Variants in AVIL observed in about 807,000 individuals in gnomAD.
AVIL encodes the protein advillin.
A neutral mutation model predicts 109.9 loss-of-function variants in AVIL; 78 were observed. The observed-to-expected ratio is 0.71, with a 90% CI of 0.59 to 0.86. The LOEUF is 0.86. Among genes scored for constraint, AVIL ranks in the 40% least tolerant of loss-of-function variants. AVIL has a pLI of 0.00. For missense variants in AVIL, 892 were observed against 1,016.5 expected (o/e 0.88, Z 1.67); for synonymous variants, 367 against 379.1 (o/e 0.97, Z 0.37).
chr12:57,807,896 A>G (rs762729896), intron 11 of AVIL, 169 bp from the exon 12 acceptor site: 1 of 1,017,288 alleles, frequency 9.8e-7, no homozygotes, highest in Non-Finnish European at 1.5e-6. Context: ...CATGATTTGA[A>G]TCGTGAGATG....
In AVIL at chr12:57,813,231, T is replaced by C; in HGVS notation, c.334A>G (p.Ile112Val). Residue 112 changes from isoleucine to valine, a missense_variant, in exon 4 of 20, where the codon ATC becomes GTC. Transcript: ENST00000549994. ...DTFRGYFKQG[I>V]IYKQGGVASG... ...GCTCTGTGCACCCCTACTCACATGA[T>C]GCCCTGCTTGAAGTAGCCACGGAAA... 6.2e-7 allele frequency: 1 copy of C among 1,612,008 alleles called. No homozygotes were observed. Among genetic ancestry groups the C allele is most frequent in the African/African-American group, 1.3e-5 (1 of 74,974 alleles).
rs765060747 is a variant in AVIL at position 57,814,222 on chromosome 12, A to G, written c.71T>C (p.Met24Thr). Residue 24 changes from methionine to threonine, a missense_variant, in exon 3 of 20, where the codon ATG (methionine) becomes ACG (threonine). Physicochemically the swap from Met to Thr is moderately conservative, Grantham distance 81. Transcript: ENST00000549994. ...GCTCACAGGCACCAGCGCCAGCTCC[A>G]TTTTCTGGAAGGACAAGGGGTGGGT... is the stretch of plus-strand genomic sequence containing the variant. ...PGIIVWRIEK[M>T]ELALVPVSAH... The G allele has an allele frequency of 1.2e-6, 2 of 1,611,422 alleles. No individual in the cohort carries two copies. Among genetic ancestry groups the G allele is most frequent in the Admixed American group, 3.3e-5 (2 of 59,760 alleles).
In AVIL at chr12:57,807,635, T is replaced by C; in HGVS notation, c.1287A>G (p.Thr429=). The C allele has an allele frequency of 6.2e-7, 1 of 1,614,242 alleles. No individual in the cohort carries two copies. The highest frequency in any genetic ancestry group is 8.5e-7 in the Non-Finnish European group (1 of 1,180,044). ...GATGTGGCTTCCCATTTACCTCGTA[T>C]GTGTAGAGGACCAGATAACAGTCTC... is the stretch of plus-strand genomic sequence containing the variant. ...YGGDCYLVLY[T]YEVNGKPHHI... is the part of the protein sequence containing the mutation. The change falls in exon 12 of 20, where the codon ACA becomes ACG. Residue 429 remains threonine (T), a synonymous_variant. Transcript: ENST00000549994.
chr12:57,803,697 TGTTAGTTGCACAGGGGCAC>T (rs1270951609), intron 14 of AVIL, 28 bp from the exon 15 acceptor site: 1 of 1,609,278 alleles, frequency 6.2e-7, no homozygotes, highest in Non-Finnish European at 8.5e-7. Flanking sequence ...AGAGCACAGA[TGTTAGTTGCACAGGGGCAC>T]TTCGATGTGG....
At chr12:57,816,295 T>C (rs1222590055) in intron 1 of AVIL, 6 of 450,384 alleles carry the variant, frequency 1.3e-5, no homozygotes, top group Admixed American at 1.2e-4. Context: ...GCCATTGCCC[T>C]TAAGAGCTCT....
intron 7 of AVIL, 79 bp from the exon 8 acceptor site, chr12:57,809,969 G>A: frequency 1.3e-6 from 2 of 1,493,876 alleles, no homozygotes; most frequent in Admixed American, 1.8e-5. Context: ...TTCTGGTTTG[G>A]TTTTAGTTTG....
chr12:57,815,571 C>A, intron 2 of AVIL: 2 of 1,246,624 alleles, frequency 1.6e-6, no homozygotes, highest in Non-Finnish European at 1.0e-6. Context: ...CTGCAGTGCC[C>A]CCTCACCTCT....
At chr12:57,813,538 T>G in intron 3 of AVIL, 115 bp from the exon 4 acceptor site, 1 of 1,044,546 alleles carries the variant, frequency 9.6e-7, no homozygotes, top group Non-Finnish European at 1.4e-6. Flanking sequence ...CTGAGGGCCC[T>G]CTCTCCTGCA....
In AVIL at chr12:57,813,385, G is replaced by A; in HGVS notation, c.180C>T (p.His60=). 6.2e-6 allele frequency: 10 copies of A among 1,614,178 alleles called. No individual in the cohort carries two copies. The highest frequency in any genetic ancestry group is 8.5e-6 in the Non-Finnish European group (10 of 1,180,034). ...RVASLLSQDI[H]FWIGKDSSQD... ...GGGAGGAGTCCTTCCCGATCCAGAA[G>A]TGGATGTCCTGGGATAGGAGACTGG... is the stretch of plus-strand genomic sequence containing the variant. The change falls in exon 4 of 20, where the codon CAC becomes CAT. Residue 60 remains histidine, a synonymous_variant. Transcript: ENST00000549994.
At position 57,810,931 on chromosome 12, in the gene AVIL, C is replaced by T. The variant is rs112933121; in HGVS notation, c.448-5G>A. ...ACTGTCCCAGCTCATTTCCACCTGT[C>T]GATGAGAGGTAAACATTGTTCAGGA... On this transcript the variant is annotated splice_region_variant and splice_polypyrimidine_tract_variant and intron_variant, in intron 5 of 19. Coordinates refer to ENST00000549994, the MANE Select transcript of AVIL (RefSeq NM_006576.4). The T allele has an allele frequency of 3.0e-5, 49 of 1,614,090 alleles. No homozygotes were observed. Among genetic ancestry groups the T allele is most frequent in the African/African-American group, 9.3e-5 (7 of 75,008 alleles).
Position 57,808,502 on chromosome 12 carries a change from G to T in AVIL, c.986C>A (p.Thr329Asn). The T allele has an allele frequency of 6.2e-7, 1 of 1,614,100 alleles. No individual in the cohort carries two copies. The highest frequency in any genetic ancestry group is 8.5e-7 in the Non-Finnish European group (1 of 1,180,016). ...GGCCGACTCAGCACCATCGTTGACG[G>T]TCTCCACATTGGTGCTGCTGGGGTA... is the stretch of plus-strand genomic sequence containing the variant. ...KSYPSSTNVE[T>N]VNDGAESAMF... Residue 329 changes from threonine to asparagine, a missense_variant, in exon 10 of 20, where the codon ACC becomes AAC. Transcript: ENST00000549994.
intron 3 of AVIL, 105 bp from the exon 4 acceptor site, chr12:57,813,528 CT>C: frequency 8.8e-7 from 1 of 1,133,028 alleles, no homozygotes; most frequent in South Asian, 1.5e-5. Flanking sequence ...CCTTGGCAGA[CT>C]GAGGGCCCTC....
chr12:57,803,360 G>C lies in AVIL; in HGVS notation c.1849C>G (p.Arg617Gly). The C allele has an allele frequency of 6.2e-7, 1 of 1,614,174 alleles. No individual in the cohort carries two copies. The highest frequency in any genetic ancestry group is 1.1e-5 in the South Asian group (1 of 91,086). Residue 617 changes from arginine (R) to glycine (G), a missense_variant, in exon 16 of 20, where the codon CGT (arginine) becomes GGT (glycine). Physicochemically the swap from Arg to Gly is moderately radical, Grantham distance 125 (BLOSUM62 -2). Coordinates refer to ENST00000549994, the MANE Select transcript of AVIL (RefSeq NM_006576.4). ...GTCTTATTGGAACATTCAAAGAGAC[G>C]AGACTGGACATCTAGGATTTCCTGC... ...LQQEILDVQS[R>G]LFECSNKTGQ...
At chr12:57,812,511 A>G (rs1024451697) in intron 4 of AVIL, among the ~76,000 whole-genome samples, 4 of 152,008 alleles carry the variant, frequency 2.6e-5, no homozygotes, top group African/African-American at 9.7e-5. Context: ...ACAGGTGTGC[A>G]CCAGCATGCC....
At chr12:57,798,434 TTTAC>T (rs1034706761) in intron 19 of AVIL, among the ~76,000 whole-genome samples, 2 of 152,178 alleles carry the variant, frequency 1.3e-5, no homozygotes, top group African/African-American at 2.4e-5. Context: ...CTTCTACACA[TTTAC>T]TTAATGATTT....
intron 14 of AVIL, chr12:57,805,993 T>A: frequency 4.5e-6 from 1 of 220,308 alleles, no homozygotes; most frequent in South Asian, 5.6e-5. Context: ...TGTGCCACCA[T>A]GCCCAGCTAA....
At chr12:57,802,478 T>C (rs752174625) in intron 16 of AVIL, 130 bp from the exon 17 acceptor site, 71 of 1,116,810 alleles carry the variant, frequency 6.4e-5, no homozygotes, top group Non-Finnish European at 9.2e-5. Flanking sequence ...TTTCTCAGCC[T>C]AATTTGTTCA....
At chr12:57,817,647 G>C (rs759637266) in intron 1 of AVIL, among the ~76,000 whole-genome samples, 61 of 152,174 alleles carry the variant, frequency 4.0e-4, no homozygotes, top group Non-Finnish European at 6.2e-4. Context: ...ACAGAGAACT[G>C]TCACCCTGGT....
rs1478149720 is a variant in AVIL, at chr12:57,802,327, C to T, written c.1984G>A (p.Glu662Lys). ...CTCTCCTTCTCCGTGGCATTGGCCT[C>T]AGCCCCAATCCACAAGAACACCTGT... ...WDQVFLWIGAEANATEKESAL... is the reference protein window; with the variant it reads ...WDQVFLWIGAKANATEKESAL... Residue 662 changes from glutamate to lysine, a missense_variant, in exon 17 of 20, where the codon GAG (glutamate) becomes AAG (lysine). By Grantham distance (56) the Glu-to-Lys change is moderately conservative. Transcript: ENST00000549994. The T allele has an allele frequency of 1.2e-6, 2 of 1,612,804 alleles. No homozygotes were observed. Among genetic ancestry groups the T allele is most frequent in the Non-Finnish European group, 1.7e-6 (2 of 1,179,402 alleles).
Sources: allele counts gnomAD v4.1 joint callset (sites outside exome capture counted in the v4.1 genomes callset), GRCh38; gene constraint gnomAD v4.1.1; transcripts MANE v1.5; gene names NCBI Gene and HGNC (gene_info 2026-07-23, HGNC 2026-07-21).